NECAB1: variants seen among roughly 807,000 people sequenced by gnomAD.
NECAB1 encodes the protein N-terminal EF-hand calcium-binding protein 1.
A neutral mutation model predicts 57.5 loss-of-function variants in NECAB1; 29 were observed. The ratio of observed to expected loss-of-function variants is 0.50; its 90% CI spans 0.38 to 0.69. The LOEUF (loss-of-function observed/expected upper bound fraction) is 0.69, where lower values mean the gene tolerates loss of function less well. Ranked by LOEUF, NECAB1 falls within the 30% of genes least tolerant of loss-of-function variation. The pLI is 0.00. For synonymous variants in NECAB1, 142 were observed against 147.7 expected (o/e 0.96, Z 0.28); for missense variants, 372 against 413.8 (o/e 0.90, Z 0.88).
In NECAB1 at chr8:90,953,046, C is replaced by T. The variant is rs140236954; in HGVS notation, c.1030+1842C>T. On this transcript the variant is annotated intron_variant, in intron 12 of 12. Coordinates refer to ENST00000417640, the MANE Select transcript of NECAB1 (RefSeq NM_022351.5). ...TATTGGTCTTCGGTCAAAATTTCCACGAAGTCCTGACACTTGTAATTTTTG... is the reference window on the plus strand; with the variant it reads ...TATTGGTCTTCGGTCAAAATTTCCATGAAGTCCTGACACTTGTAATTTTTG... Among the ~76,000 whole-genome samples the T allele has an allele frequency of 5.1e-4, 78 of 152,270 alleles. No homozygotes were observed. In the East Asian group the frequency reaches 7.3e-3, roughly 14 times the overall value.
intron 4 of NECAB1, among the ~76,000 whole-genome samples, chr8:90,876,275 T>A (rs775490571): frequency 6.6e-6 from 1 of 152,084 alleles, no homozygotes; most frequent in Non-Finnish European, 1.5e-5. Flanking sequence ...ATGATTGAGA[T>A]GTAAGAGAGT....
At chr8:90,883,571 T>C (rs1808897060) in intron 5 of NECAB1, among the ~76,000 whole-genome samples, 2 of 152,196 alleles carry the variant, frequency 1.3e-5, no homozygotes, top group African/African-American at 4.8e-5. Context: ...ATGGATAAAA[T>C]GGGATTTAGC....
intron 2 of NECAB1, among the ~76,000 whole-genome samples, chr8:90,823,265 G>T (rs551667663): frequency 2.6e-4 from 39 of 151,910 alleles, no homozygotes; most frequent in African/African-American, 8.0e-4. Context: ...TGTCTGCCCA[G>T]TTAAACGTTA....
At chr8:90,916,299 A>G (rs1563532275) in intron 5 of NECAB1, among the ~76,000 whole-genome samples, 1 of 152,234 alleles carries the variant, frequency 6.6e-6, no homozygotes, top group Admixed American at 6.5e-5. Flanking sequence ...AGGAGGCCAT[A>G]GTCCAATTCT....
intron 5 of NECAB1, among the ~76,000 whole-genome samples, chr8:90,894,389 G>A (rs1461745352): frequency 1.3e-5 from 2 of 152,242 alleles, no homozygotes; most frequent in East Asian, 3.9e-4. Flanking sequence ...ATACAAATCA[G>A]AATATGTGGG....
At chr8:90,884,048 G>T (rs1022810360) in intron 5 of NECAB1, among the ~76,000 whole-genome samples, 1 of 152,086 alleles carries the variant, frequency 6.6e-6, no homozygotes, top group African/African-American at 2.4e-5. Flanking sequence ...AGTGAAGAAT[G>T]GCATTCTTAA....
At position 90,956,314 on chromosome 8, in the gene NECAB1, GA is replaced by G. The variant is rs914246808; in HGVS notation, c.*807del. 5 of 151,744 alleles carry G rather than the reference GA, an allele frequency of 3.3e-5. No homozygotes were observed. The highest frequency in any genetic ancestry group is 7.4e-5 in the Non-Finnish European group (5 of 67,850). The allele number at this position is 151,744 out of a possible 1,614,324, so 9.4% of individuals were successfully genotyped here. A position where few individuals can be genotyped will look rare whatever the true frequency, so the allele number is the denominator to read the frequency against. On this transcript the variant is annotated 3_prime_UTR_variant, in exon 13 of 13. Transcript: ENST00000417640. ...GATACAGACAGCTAACTTTTCTTATGAAAAATACATATTTGCATGTAAACAA... is the reference window on the plus strand; with the variant it reads ...GATACAGACAGCTAACTTTTCTTATGAAAATACATATTTGCATGTAAACAA...
intron 3 of NECAB1, among the ~76,000 whole-genome samples, chr8:90,842,869 G>A (rs532515163): frequency 1.3e-5 from 2 of 152,306 alleles, no homozygotes; most frequent in South Asian, 4.1e-4. Context: ...GTTCTAGAAA[G>A]GTTGCCTCAG....
chr8:90,802,481 T>C (rs527371516), intron 2 of NECAB1, among the ~76,000 whole-genome samples: 4 of 152,292 alleles, frequency 2.6e-5, no homozygotes, highest in Non-Finnish European at 5.9e-5. Context: ...TTTGCTGCTA[T>C]ATTATAAGTA....
chr8:90,920,563 C>T (rs1437282105), intron 6 of NECAB1, among the ~76,000 whole-genome samples: 1 of 152,184 alleles, frequency 6.6e-6, no homozygotes, highest in Non-Finnish European at 1.5e-5. Context: ...ATTTTAATGG[C>T]AGAATGAGAT....
intron 3 of NECAB1, among the ~76,000 whole-genome samples, chr8:90,845,445 A>T (rs1487527981): frequency 6.6e-6 from 1 of 152,162 alleles, no homozygotes; most frequent in Non-Finnish European, 1.5e-5. Flanking sequence ...ATTTATTTTC[A>T]CTTGTGCTAA....
rs138934132 is a variant in NECAB1 at position 90,876,769 on chromosome 8, G to T, written c.260-4264G>T. Among the ~76,000 whole-genome samples the T allele has an allele frequency of 2.0e-5, 3 of 152,138 alleles. No individual in the cohort carries two copies. In the East Asian group the frequency reaches 5.8e-4, roughly 29 times the overall value. ...GGCTTACTACATCTGCTTATAAACTGTGCTCTACTTTTTCATCATACCTAA... is the reference window on the plus strand; with the variant it reads ...GGCTTACTACATCTGCTTATAAACTTTGCTCTACTTTTTCATCATACCTAA... On this transcript the variant is annotated intron_variant, in intron 4 of 12. Coordinates refer to ENST00000417640, the MANE Select transcript of NECAB1 (RefSeq NM_022351.5).
chr8:90,855,594 C>T (rs1489362020), intron 3 of NECAB1, among the ~76,000 whole-genome samples: 1 of 152,172 alleles, frequency 6.6e-6, no homozygotes. Context: ...CAGGAAGGAT[C>T]TAGAGAACAA....
chr8:90,818,090 G>A (rs1310966020), intron 2 of NECAB1, among the ~76,000 whole-genome samples: 6 of 149,646 alleles, frequency 4.0e-5, no homozygotes, highest in Admixed American at 4.0e-4. Context: ...GTTGTTCATA[G>A]TACTACTTTA....
intron 3 of NECAB1, among the ~76,000 whole-genome samples, chr8:90,871,727 C>A (rs1044944774): frequency 6.6e-6 from 1 of 152,066 alleles, no homozygotes; most frequent in African/African-American, 2.4e-5. Flanking sequence ...ATCCCATGAA[C>A]CAGAAATTTT....
At chr8:90,911,728 T>C (rs1423361173) in intron 5 of NECAB1, among the ~76,000 whole-genome samples, 2 of 152,170 alleles carry the variant, frequency 1.3e-5, no homozygotes, top group Non-Finnish European at 2.9e-5. Flanking sequence ...ATATTTGTCC[T>C]AGCAATAATT....
At chr8:90,944,951 G>T (rs186054446) in intron 10 of NECAB1, among the ~76,000 whole-genome samples, 1 of 152,162 alleles carries the variant, frequency 6.6e-6, no homozygotes, top group African/African-American at 2.4e-5. Context: ...AGGCTGAAGT[G>T]CAGTGGTGCA....
intron 3 of NECAB1, chr8:90,859,113 A>G (rs1213569302): frequency 6.6e-6 from 1 of 152,262 alleles, no homozygotes; most frequent in Non-Finnish European, 1.5e-5. Flanking sequence ...GTAATCAAGA[A>G]TATGGTTGGG....
intron 2 of NECAB1, among the ~76,000 whole-genome samples, chr8:90,818,698 T>C (rs775704893): frequency 5.9e-5 from 9 of 151,954 alleles, no homozygotes; most frequent in Non-Finnish European, 8.8e-5. Flanking sequence ...GAATCTGATA[T>C]ATTGAGGTAT....
Sources: allele counts gnomAD v4.1 joint callset (sites outside exome capture counted in the v4.1 genomes callset), GRCh38; gene constraint gnomAD v4.1.1; transcripts MANE v1.5; gene names NCBI Gene and HGNC (gene_info 2026-07-23, HGNC 2026-07-21).